DNAJC7: variants seen among roughly 807,000 people sequenced by gnomAD.
The protein encoded by DNAJC7 is DnaJ heat shock protein family (Hsp40) member C7, also known as dnaJ homolog subfamily C member 7.
DNAJC7 carries 18 observed loss-of-function variants against 67.4 expected under a neutral mutation model. That is an observed-to-expected ratio of 0.27 (90% CI 0.18 to 0.40). The LOEUF is 0.40. DNAJC7 is among the 10% of genes least tolerant of loss of function. The pLI, the probability that DNAJC7 is intolerant of heterozygous loss-of-function variation, is 1.00. For missense variants in DNAJC7, 419 were observed against 613.8 expected, an observed-to-expected ratio of 0.68 and a Z score of 3.35; for synonymous variants, 220 against 207.8, an observed-to-expected ratio of 1.06 and a Z score of -0.50.
chr17:42,013,266 GAAACAGAACTTTGT>G (rs1277736241), intron 1 of DNAJC7: 1 of 152,218 alleles, frequency 6.6e-6, no homozygotes, highest in Non-Finnish European at 1.5e-5. Flanking sequence ...TGCTGTAAGG[GAAACAGAACTTTGT>G]CAGAGTGACA....
At chr17:41,978,677 G>A (rs1555645358) in intron 12 of DNAJC7, among the ~76,000 whole-genome samples, 3 of 151,970 alleles carry the variant, frequency 2.0e-5, no homozygotes. Context: ...GGCTAACAAA[G>A]TGAAACCCCG....
In DNAJC7 at chr17:41,981,961, C is replaced by G; in HGVS notation, c.1278G>C (p.Lys426Asn). Residue 426 changes from lysine (K) to asparagine (N), a missense_variant, in exon 12 of 14, where the codon AAG (lysine) becomes AAC (asparagine). Around this residue, in one of 4 missense-constraint regions of DNAJC7, gnomAD observed 161 missense variants for 252.2 expected, o/e 0.64. Coordinates refer to ENST00000457167, the MANE Select transcript of DNAJC7 (RefSeq NM_003315.4). ...AGGCCTCTCCAACTTCCTTGAACTT[C>G]TTCTCCTCCTCCTTCTGAACCTCAG... Reference protein sequence around the residue: ...ASAEVQKEEEKKFKEVGEAFT... With the variant: ...ASAEVQKEEENKFKEVGEAFT... 6.2e-7 allele frequency: 1 copy of G among 1,614,044 alleles called. No individual in the cohort carries two copies. The highest frequency in any genetic ancestry group is 8.5e-7 in the Non-Finnish European group (1 of 1,179,902).
intron 12 of DNAJC7, among the ~76,000 whole-genome samples, chr17:41,979,444 A>AAGT (rs1555645557): frequency 6.7e-6 from 1 of 148,240 alleles, no homozygotes; most frequent in East Asian, 2.0e-4. Context: ...GGCCAAGGCC[A>AAGT]GTAGATCACT....
At chr17:41,993,414 C>G (rs904547376) in intron 5 of DNAJC7, among the ~76,000 whole-genome samples, 1 of 151,818 alleles carries the variant, frequency 6.6e-6, no homozygotes, top group Non-Finnish European at 1.5e-5. Context: ...AGCCGAGATC[C>G]CGCCACTGCA....
intron 1 of DNAJC7, among the ~76,000 whole-genome samples, chr17:42,008,329 AT>A (rs1295467017): frequency 9.2e-5 from 14 of 151,584 alleles, no homozygotes; most frequent in African/African-American, 3.4e-4. Context: ...AAAAAAAAAA[AT>A]CTACTATTCT....
At chr17:41,982,125 G>A in intron 11 of DNAJC7, 118 bp from the exon 12 acceptor site, 1 of 1,546,248 alleles carries the variant, frequency 6.5e-7, no homozygotes, top group Admixed American at 2.1e-5. Flanking sequence ...AAATTTGGAG[G>A]GTCCACAAGT....
chr17:42,003,175 A>G (rs1429847625), intron 1 of DNAJC7, among the ~76,000 whole-genome samples: 2 of 152,216 alleles, frequency 1.3e-5, no homozygotes, highest in Non-Finnish European at 2.9e-5. Flanking sequence ...CTGCCTCATG[A>G]AAAGGACTTA....
intron 1 of DNAJC7, chr17:42,013,877 C>T (rs1197606480): frequency 6.6e-6 from 1 of 152,334 alleles, no homozygotes; most frequent in East Asian, 1.9e-4. Flanking sequence ...TCACCGCAAC[C>T]TCCGCCTACC....
At chr17:41,978,812 G>A (rs1324032029) in intron 12 of DNAJC7, among the ~76,000 whole-genome samples, 4 of 152,146 alleles carry the variant, frequency 2.6e-5, no homozygotes, top group African/African-American at 4.8e-5. Context: ...CCCGGGAGGC[G>A]GAGCTTGCAG....
chr17:41,984,166 G>A (rs1227455247), intron 9 of DNAJC7: 1 of 152,318 alleles, frequency 6.6e-6, no homozygotes, highest in African/African-American at 2.4e-5. Context: ...ACCAATCAAT[G>A]AGAGATGCAG....
intron 5 of DNAJC7, 75 bp from the exon 6 acceptor site, chr17:41,990,457 G>C: frequency 7.7e-7 from 1 of 1,294,870 alleles, no homozygotes; most frequent in Non-Finnish European, 1.1e-6. Flanking sequence ...TTTAGTCACA[G>C]GTAACAGACT....
At position 41,981,945 on chromosome 17, in the gene DNAJC7, C is replaced by T. The variant is rs1555646035; in HGVS notation, c.1294G>A (p.Gly432Arg). The change falls in exon 12 of 14, where the codon GGA (glycine) becomes AGA (arginine). Residue 432 changes from glycine to arginine, a missense_variant. Coordinates refer to ENST00000457167, the MANE Select transcript of DNAJC7 (RefSeq NM_003315.4). ...TCAGAGAGGATAGTAAAGGCCTCTCCAACTTCCTTGAACTTCTTCTCCTCC... is the reference window on the plus strand; with the variant it reads ...TCAGAGAGGATAGTAAAGGCCTCTCTAACTTCCTTGAACTTCTTCTCCTCC... ...KEEEKKFKEV[G>R]EAFTILSDPK... 1.9e-6 allele frequency: 3 copies of T among 1,614,052 alleles called. No homozygotes were observed. The highest frequency in any genetic ancestry group is 2.2e-5 in the South Asian group (2 of 91,090).
intron 4 of DNAJC7, among the ~76,000 whole-genome samples, chr17:41,995,975 G>A (rs2051646354): frequency 1.3e-5 from 2 of 152,184 alleles, no homozygotes; most frequent in African/African-American, 4.8e-5. Flanking sequence ...CCTGGCTAAT[G>A]TAAAAAATTT....
intron 1 of DNAJC7, chr17:42,014,511 CTA>C (rs2052210436): frequency 2.0e-5 from 3 of 151,922 alleles, no homozygotes; most frequent in African/African-American, 4.8e-5. Flanking sequence ...TAATAAATAA[CTA>C]TGTTTAAGTC....
At chr17:41,992,402 G>C (rs952124550) in intron 5 of DNAJC7, among the ~76,000 whole-genome samples, 1 of 151,236 alleles carries the variant, frequency 6.6e-6, no homozygotes, top group Admixed American at 6.6e-5. Flanking sequence ...TCTAACTCCC[G>C]ACCTCAGGTG....
intron 8 of DNAJC7, 34 bp from the exon 9 acceptor site, chr17:41,987,944 C>T: frequency 6.4e-7 from 1 of 1,571,702 alleles, no homozygotes; most frequent in Non-Finnish European, 8.7e-7. Flanking sequence ...TACTTCACAC[C>T]TTTGGTGACT....
intron 1 of DNAJC7, among the ~76,000 whole-genome samples, chr17:42,009,550 T>G (rs560132971): frequency 6.6e-6 from 1 of 152,250 alleles, no homozygotes; most frequent in African/African-American, 2.4e-5. Context: ...CAACGGTGAG[T>G]TGGAAATTTA....
At chr17:41,987,706 G>A in intron 9 of DNAJC7, 113 bp downstream of exon 9, 1 of 847,202 alleles carries the variant, frequency 1.2e-6, no homozygotes, top group Non-Finnish European at 1.8e-6. Flanking sequence ...TAGAGGCAGG[G>A]GGAAGGACCA....
intron 6 of DNAJC7, 28 bp from the exon 7 acceptor site, chr17:41,989,585 A>G (rs1222382030): frequency 1.2e-6 from 2 of 1,611,180 alleles, no homozygotes; most frequent in African/African-American, 2.7e-5. Flanking sequence ...GGGCACATTG[A>G]GCTGTGCTTT....
Sources: allele counts gnomAD v4.1 joint callset (sites outside exome capture counted in the v4.1 genomes callset), GRCh38; gene constraint gnomAD v4.1.1; regional missense constraint gnomAD v4.1.1; transcripts MANE v1.5; gene names NCBI Gene and HGNC (gene_info 2026-07-23, HGNC 2026-07-21).